DDX52: variants seen among roughly 807,000 people sequenced by gnomAD.
The protein encoded by DDX52 is DExD-box helicase 52.
In DDX52, 59 loss-of-function variants were observed where a neutral mutation model predicts 76.1. That is an observed-to-expected ratio of 0.78 (90% CI 0.63 to 0.96). The LOEUF (loss-of-function observed/expected upper bound fraction) is 0.96, where lower values mean the gene tolerates loss of function less well. Among genes scored for constraint, DDX52 ranks in the 40% least tolerant of loss-of-function variants. DDX52 has a pLI of 0.00. For synonymous variants in DDX52, 231 were observed against 244.1 expected (o/e 0.95, Z 0.50); for missense variants, 707 against 703.9 (o/e 1.00, Z -0.05).
At chr17:37,628,534 T>C (rs2030506015) in intron 6 of DDX52, 27 bp downstream of exon 6, 1 of 1,541,928 alleles carries the variant, frequency 6.5e-7, no homozygotes, top group Non-Finnish European at 8.9e-7. Context: ...ACATGCTCTA[T>C]CTACATCCCA....
chr17:37,635,091 G>A (rs1036033435), intron 2 of DDX52, among the ~76,000 whole-genome samples: 1 of 151,942 alleles, frequency 6.6e-6, no homozygotes, highest in Non-Finnish European at 1.5e-5. Flanking sequence ...GAGCCACCGC[G>A]CCTGGCCTAA....
chr17:37,621,898 G>A (rs913490779), intron 9 of DDX52, among the ~76,000 whole-genome samples: 2 of 152,104 alleles, frequency 1.3e-5, no homozygotes, highest in East Asian at 1.9e-4. Context: ...TTTTTGGGGT[G>A]AAATTAATTT....
intron 7 of DDX52, 133 bp from the exon 8 acceptor site, chr17:37,626,231 A>G (rs2030367400): frequency 1.1e-6 from 1 of 874,616 alleles, no homozygotes. Flanking sequence ...ATCATACCAA[A>G]AAAAAAAAAT....
Position 37,641,182 on chromosome 17 carries a change from C to T in DDX52, c.286+928G>A, listed in dbSNP as rs566221311. Among the ~76,000 whole-genome samples, 455 of 151,848 alleles carry T rather than the reference C, an allele frequency of 3.0e-3. 2 individuals carry two copies. The highest frequency in any genetic ancestry group is 0.01 in the African/African-American group (434 of 41,404). ...GAGGCGGAGGCGGAGGAGGGTGGAT[C>T]ACAAGGTCAGGAGATCGAGACCATC... On this transcript the variant is annotated intron_variant, in intron 2 of 14. Transcript: ENST00000617633.
At chr17:37,643,171 A>G (rs539382753) in intron 1 of DDX52, 163 bp downstream of exon 1, 2 of 639,138 alleles carry the variant, frequency 3.1e-6, no homozygotes, top group Admixed American at 3.0e-5. Flanking sequence ...TGAACCGAGC[A>G]GCCGTGCAGG....
chr17:37,620,421 C>T (rs1023214197), intron 12 of DDX52: 11 of 166,762 alleles, frequency 6.6e-5, no homozygotes, highest in Admixed American at 6.3e-4. Flanking sequence ...TAAAGGCTGA[C>T]AGGTGGCAGA....
rs143307799 is a variant in DDX52 at position 37,617,688 on chromosome 17, T to C, written c.1742+604A>G. Among the ~76,000 whole-genome samples, 213 of 152,348 alleles carry C rather than the reference T, an allele frequency of 1.4e-3. 1 individual carries two copies. Among genetic ancestry groups the C allele is most frequent in the African/African-American group, 4.4e-3 (181 of 41,576 alleles). The stretch of plus-strand genomic sequence containing the variant: ...CCATGTAAGTCAATGGTCCTAACTA[T>C]TGGCCTTAGTAGCATGTCCTAATGT... On this transcript the variant is annotated intron_variant, in intron 14 of 14. Coordinates refer to ENST00000617633, the MANE Select transcript of DDX52 (RefSeq NM_007010.5).
chr17:37,618,277 T>C lies in DDX52; in HGVS notation c.1742+15A>G. On this transcript the variant is annotated intron_variant, in intron 14 of 14. Coordinates refer to ENST00000617633, the MANE Select transcript of DDX52 (RefSeq NM_007010.5). ...TGATGGTGTCAAACAGCCATTTTTC[T>C]TACCACATACTTACTGTTTATCCTT... 6.3e-7 allele frequency: 1 copy of C among 1,578,214 alleles called. No individual in the cohort carries two copies. The highest frequency in any genetic ancestry group is 2.3e-5 in the East Asian group (1 of 43,468).
chr17:37,634,983 T>C (rs1055612705), intron 2 of DDX52, among the ~76,000 whole-genome samples: 4 of 151,872 alleles, frequency 2.6e-5, no homozygotes, highest in African/African-American at 7.3e-5. Context: ...GTATTTTTAG[T>C]AGAGACGGGG....
Position 37,621,399 on chromosome 17 carries a change from T to C in DDX52, c.1349A>G (p.Gln450Arg). Reference sequence around the variant, plus strand: ...TTCAAAGTATATATTTGACTTTACCTGTTGTTGTGTTCTCTCTGCATGAAT... The same window carrying C: ...TTCAAAGTATATATTTGACTTTACCCGTTGTTGTGTTCTCTCTGCATGAAT... ...DVIHAERTQQQRDNTVHSFRA... is the reference protein window; with the variant it reads ...DVIHAERTQQRRDNTVHSFRA... The change falls in exon 10 of 15, where the codon CAG becomes CGG. Residue 450 changes from glutamine (Q) to arginine (R), a missense_variant and splice_region_variant. Physicochemically the swap from Gln to Arg is conservative, Grantham distance 43. Transcript: ENST00000617633. 2 of 1,609,950 alleles carry C rather than the reference T, an allele frequency of 1.2e-6. No individual in the cohort carries two copies. The highest frequency in any genetic ancestry group is 1.7e-6 in the Non-Finnish European group (2 of 1,178,946).
At position 37,621,633 on chromosome 17, in the gene DDX52, G is replaced by A. The variant is rs2030101320; in HGVS notation, c.1228-113C>T. ...CCAATTCAATTTAGTGTACTTTCTT[G>A]GCCAAATTTCTTGGGCTAGTGGTCT... On this transcript the variant is annotated intron_variant, in intron 9 of 14. Coordinates refer to ENST00000617633, the MANE Select transcript of DDX52 (RefSeq NM_007010.5). The A allele has an allele frequency of 5.0e-6, 7 of 1,395,658 alleles. No homozygotes were observed. In the East Asian group the frequency reaches 1.8e-4, roughly 35 times the overall value. 86.5% of individuals were successfully genotyped at this position (1,395,658 alleles called of 1,614,324 possible). A position where few individuals can be genotyped will look rare whatever the true frequency, so the allele number is the denominator to read the frequency against.
chr17:37,629,345 C>G (rs1357224041), intron 5 of DDX52, among the ~76,000 whole-genome samples: 2 of 151,296 alleles, frequency 1.3e-5, no homozygotes, highest in African/African-American at 4.9e-5. Context: ...GAGGGTAGAA[C>G]AGATCACTGT....
intron 9 of DDX52, among the ~76,000 whole-genome samples, chr17:37,623,401 G>T (rs187839492): frequency 6.6e-6 from 1 of 152,010 alleles, no homozygotes; most frequent in African/African-American, 2.4e-5. Context: ...CTCCAGCCTG[G>T]GTGAAAGAGC....
In DDX52 at chr17:37,640,687, GAA is replaced by G. The variant is rs11432784; in HGVS notation, c.286+1421_286+1422del. 1.9e-3 allele frequency among the ~76,000 whole-genome samples: 192 copies of G among 101,724 alleles called. 1 individual carries two copies. Among genetic ancestry groups the G allele is most frequent in the African/African-American group, 5.0e-3 (157 of 31,494 alleles). The allele number at this position is 101,724 out of a possible 152,430, so 66.7% of individuals were successfully genotyped here. A position where few individuals can be genotyped will look rare whatever the true frequency, so the allele number is the denominator to read the frequency against. On this transcript the variant is annotated intron_variant, in intron 2 of 14. Coordinates refer to ENST00000617633, the MANE Select transcript of DDX52 (RefSeq NM_007010.5). Reference sequence around the variant, plus strand: ...TAAACAGCCCTAGAGTACAGTACAAGAAAAAAAAAAAAAAAAAAGGCCAGGCG... The same window carrying G: ...TAAACAGCCCTAGAGTACAGTACAAGAAAAAAAAAAAAAAAAGGCCAGGCG...
Position 37,621,179 on chromosome 17 carries a change from CAA to C in DDX52, c.1447_1448del (p.Leu483GlyfsTer5). The stretch of plus-strand genomic sequence containing the variant: ...TAGTTGGAAAGTCATAGTTGATCAC[CAA>C]GTTCACACCTTTAAAATCAATCCCT... Reference protein sequence around the residue: ...ARGIDFKGVNLVINYDFPTSS... With the variant: ...ARGIDFKGVNXVINYDFPTSS... On this transcript the variant is annotated frameshift_variant, in exon 11 of 15. Coordinates refer to ENST00000617633, the MANE Select transcript of DDX52 (RefSeq NM_007010.5). LOFTEE classifies it high-confidence loss of function. 1.9e-6 allele frequency: 3 copies of C among 1,613,734 alleles called. No homozygotes were observed. The highest frequency in any genetic ancestry group is 2.5e-6 in the Non-Finnish European group (3 of 1,179,882).
intron 5 of DDX52, 42 bp downstream of exon 5, chr17:37,629,988 G>A (rs1391812943): frequency 6.4e-7 from 1 of 1,568,250 alleles, no homozygotes; most frequent in Non-Finnish European, 8.6e-7. Flanking sequence ...GATCACTGAA[G>A]TAAAAACCAA....
intron 1 of DDX52, 113 bp downstream of exon 1, chr17:37,643,221 G>C (rs1214857082): frequency 9.8e-6 from 11 of 1,120,064 alleles, no homozygotes; most frequent in Non-Finnish European, 1.3e-5. Flanking sequence ...CCCAAGGGTG[G>C]CGAGAGCCAG....
chr17:37,643,265 G>A (rs1169082111), intron 1 of DDX52, 69 bp downstream of exon 1: 3 of 1,519,910 alleles, frequency 2.0e-6, no homozygotes, highest in African/African-American at 2.8e-5. Flanking sequence ...GCCTCCCCCA[G>A]CAGCGGGTTC....
rs2030804953 is a variant in DDX52, at chr17:37,633,923, A to G, written c.287-505T>C. Among the ~76,000 whole-genome samples the G allele has an allele frequency of 2.0e-5, 3 of 151,146 alleles. No individual in the cohort carries two copies. In the South Asian group the frequency reaches 6.3e-4, roughly 32 times the overall value. On this transcript the variant is annotated intron_variant, in intron 2 of 14. Transcript: ENST00000617633. ...GGATTAATTGAAAAGCAACTTAAAC[A>G]ATGATAAATTTCTTTCCTTTTTTTT...
Sources: gnomAD v4.1 joint callset for allele counts (sites outside exome capture counted in the v4.1 genomes callset) on GRCh38, gnomAD v4.1.1 for gene constraint, MANE v1.5 for transcripts, NCBI Gene and HGNC (gene_info 2026-07-23, HGNC 2026-07-21) for gene names.